HP1BP3: variants seen among roughly 807,000 people sequenced by gnomAD.
HP1BP3 encodes heterochromatin protein 1-binding protein 3.
A neutral mutation model predicts 62.5 loss-of-function variants in HP1BP3; 12 were observed. The observed-to-expected ratio is 0.19, with a 90% CI of 0.12 to 0.31. HP1BP3 has a LOEUF of 0.31. Among genes scored for constraint, HP1BP3 ranks in the 10% least tolerant of loss-of-function variants. The pLI, the probability that HP1BP3 is intolerant of heterozygous loss-of-function variation, is 1.00. For missense variants in HP1BP3, 502 were observed against 651.8 expected (o/e 0.77, Z 2.50); for synonymous variants, 260 against 237.8 (o/e 1.09, Z -0.86).
At chr1:20,780,920 A>C (rs1303860808) in intron 1 of HP1BP3, among the ~76,000 whole-genome samples, 1 of 152,230 alleles carries the variant, frequency 6.6e-6, no homozygotes, top group Middle Eastern at 3.2e-3. Flanking sequence ...ACTGTTCTCG[A>C]AAGAGTCAGG....
chr1:20,753,193 G>A (rs1037405362), intron 9 of HP1BP3, among the ~76,000 whole-genome samples: 2 of 152,092 alleles, frequency 1.3e-5, no homozygotes, highest in Admixed American at 1.3e-4. Context: ...CGCCCACCTC[G>A]GCCTCCCCAA....
At chr1:20,772,015 T>G (rs889854547) in intron 5 of HP1BP3, among the ~76,000 whole-genome samples, 1 of 152,248 alleles carries the variant, frequency 6.6e-6, no homozygotes, top group African/African-American at 2.4e-5. Flanking sequence ...ATATGGGTCA[T>G]GTAATTCAAG....
Position 20,744,962 on chromosome 1 carries a change from A to T in HP1BP3, c.1497T>A (p.Pro499=). 1 of 1,614,050 alleles carries T rather than the reference A, an allele frequency of 6.2e-7. No individual in the cohort carries two copies. The highest frequency in any genetic ancestry group is 1.1e-5 in the South Asian group (1 of 91,086). The change falls in exon 13 of 13, where the codon CCT becomes CCA. Residue 499 remains proline (P), a synonymous_variant. Transcript: ENST00000438032. ...GKARPLPKKA[P]PKAKTPAKKT... ...TCTTGGCAGGCGTTTTGGCCTTAGGAGGTGCTTTCTTAGGCAAGGGCCTAG... is the reference window on the plus strand; with the variant it reads ...TCTTGGCAGGCGTTTTGGCCTTAGGTGGTGCTTTCTTAGGCAAGGGCCTAG...
At chr1:20,777,449 T>TTTTA (rs888524055) in intron 3 of HP1BP3, among the ~76,000 whole-genome samples, 17 of 151,948 alleles carry the variant, frequency 1.1e-4, no homozygotes, top group African/African-American at 3.4e-4. Context: ...ATAAAGAGAA[T>TTTTA]TTTATTTATT....
chr1:20,759,413 AAAAG>A (rs1161119508), intron 8 of HP1BP3, among the ~76,000 whole-genome samples: 4 of 152,232 alleles, frequency 2.6e-5, no homozygotes, highest in Non-Finnish European at 2.9e-5. Flanking sequence ...CCAAACAAAA[AAAAG>A]AATGATTTAA....
At chr1:20,775,678 A>C (rs1005038307) in intron 4 of HP1BP3, 1 of 263,320 alleles carries the variant, frequency 3.8e-6, no homozygotes, top group Non-Finnish European at 7.0e-6. Flanking sequence ...CTTTTATATT[A>C]TATTTTTACT....
At chr1:20,753,989 A>G (rs1348362567) in intron 9 of HP1BP3, among the ~76,000 whole-genome samples, 1 of 152,210 alleles carries the variant, frequency 6.6e-6, no homozygotes, top group African/African-American at 2.4e-5. Flanking sequence ...TCTACTCAAC[A>G]CTGTAATGGA....
At chr1:20,784,418 G>T (rs563748378) in intron 1 of HP1BP3, among the ~76,000 whole-genome samples, 1 of 151,278 alleles carries the variant, frequency 6.6e-6, no homozygotes, top group African/African-American at 2.4e-5. Context: ...CAGAATAGAT[G>T]CTCAATTAAT....
rs2057314327 is a variant in HP1BP3 at position 20,776,591 on chromosome 1, C to T, written c.350+6G>A. 6.2e-7 allele frequency: 1 copy of T among 1,607,158 alleles called. No individual in the cohort carries two copies. The highest frequency in any genetic ancestry group is 1.1e-5 in the South Asian group (1 of 89,894). The stretch of plus-strand genomic sequence containing the variant: ...ATATAAATAGCAAGAAGACATAACT[C>T]CTTACTCCTTTTTGGTTTCCTCAGA... On this transcript the variant is annotated splice_donor_region_variant and intron_variant, in intron 4 of 12. Coordinates refer to ENST00000438032, the MANE Select transcript of HP1BP3 (RefSeq NM_001372052.1).
intron 11 of HP1BP3, among the ~76,000 whole-genome samples, 190 bp downstream of exon 11, chr1:20,747,354 C>T (rs1337994571): frequency 6.6e-6 from 1 of 152,082 alleles, no homozygotes; most frequent in African/African-American, 2.4e-5. Context: ...TTTTCAGATA[C>T]ATGGATTCCA....
At chr1:20,786,568 C>A in intron 1 of HP1BP3, 1 of 152,282 alleles carries the variant, frequency 6.6e-6, no homozygotes, top group East Asian at 1.9e-4. Context: ...TCGGGGCTCA[C>A]GCTCGGCAGG....
At chr1:20,776,782 C>G (rs2057322695) in intron 3 of HP1BP3, 32 bp from the exon 4 acceptor site, 2 of 1,582,022 alleles carry the variant, frequency 1.3e-6, no homozygotes, top group Admixed American at 3.6e-5. Context: ...ATTGCATAAG[C>G]AGATGTATTC....
intron 8 of HP1BP3, among the ~76,000 whole-genome samples, chr1:20,763,888 A>G (rs1437578783): frequency 6.6e-6 from 1 of 152,190 alleles, no homozygotes; most frequent in African/African-American, 2.4e-5. Flanking sequence ...GTATGTACAT[A>G]TGTATGCATA....
intron 9 of HP1BP3, among the ~76,000 whole-genome samples, chr1:20,752,026 G>A (rs2055788973): frequency 6.6e-6 from 1 of 152,004 alleles, no homozygotes; most frequent in South Asian, 2.1e-4. Context: ...TTGGGAGGCT[G>A]AGGCGGGTGG....
intron 12 of HP1BP3, 126 bp from the exon 13 acceptor site, chr1:20,745,217 G>A: frequency 1.8e-6 from 2 of 1,098,722 alleles, no homozygotes; most frequent in Non-Finnish European, 2.6e-6. Context: ...ATAGGAATGT[G>A]ACAATTTTTT....
At chr1:20,755,079 C>A (rs573973677) in intron 9 of HP1BP3, among the ~76,000 whole-genome samples, 1 of 152,144 alleles carries the variant, frequency 6.6e-6, no homozygotes, top group African/African-American at 2.4e-5. Context: ...GAATAACCAA[C>A]CCCCTTTTAA....
chr1:20,786,005 T>C (rs1371755253), intron 1 of HP1BP3, among the ~76,000 whole-genome samples: 4 of 152,208 alleles, frequency 2.6e-5, no homozygotes, highest in Non-Finnish European at 5.9e-5. Flanking sequence ...TCTCACTTTT[T>C]AATGCAATGC....
chr1:20,752,048 TC>T (rs1240359050), intron 9 of HP1BP3, among the ~76,000 whole-genome samples: 1 of 151,774 alleles, frequency 6.6e-6, no homozygotes, highest in East Asian at 2.0e-4. Context: ...TCAGCTGAGG[TC>T]AGGAGCTCAA....
intron 3 of HP1BP3, among the ~76,000 whole-genome samples, chr1:20,778,252 A>T (rs767397306): frequency 1.1e-4 from 16 of 152,270 alleles, no homozygotes; most frequent in Non-Finnish European, 2.1e-4. Flanking sequence ...TGTATTATGT[A>T]TAAGACTGTT....
Sources: allele counts gnomAD v4.1 joint callset (sites outside exome capture counted in the v4.1 genomes callset), GRCh38; gene constraint gnomAD v4.1.1; transcripts MANE v1.5; gene names NCBI Gene and HGNC (gene_info 2026-07-23, HGNC 2026-07-21).